Variants in CCDC39 observed in about 807,000 individuals in gnomAD.
The protein encoded by CCDC39 is coiled-coil domain 39 molecular ruler complex subunit.
A neutral mutation model predicts 121.0 loss-of-function variants in CCDC39; 113 were observed. That is an observed-to-expected ratio of 0.93 (90% CI 0.80 to 1.09). CCDC39 has a LOEUF of 1.09. Among genes scored for constraint, CCDC39 ranks in the 50% least tolerant of loss-of-function variants. The pLI is 0.00. For synonymous variants in CCDC39, 349 were observed against 352.2 expected, an observed-to-expected ratio of 0.99 and a Z score of 0.10; for missense variants, 1,063 against 1,074.7, an observed-to-expected ratio of 0.99 and a Z score of 0.15.
In CCDC39 at chr3:180,615,079, T is replaced by C. The variant is rs1304933764; in HGVS notation, c.2670-2A>G. 6.6e-7 allele frequency: 1 copy of C among 1,520,144 alleles called. No homozygotes were observed. The highest frequency in any genetic ancestry group is 8.8e-7 in the Non-Finnish European group (1 of 1,138,478). The allele number at this position is 1,520,144 out of a possible 1,614,324, so 94.2% of individuals were successfully genotyped here. A position where few individuals can be genotyped will look rare whatever the true frequency, so the allele number is the denominator to read the frequency against. On this transcript the variant is annotated splice_acceptor_variant, in intron 19 of 19. Transcript: ENST00000476379. LOFTEE classifies it high-confidence loss of function. ...GATGTACTTGTACTCCTAGATGACCTAGAAGAAAAACCAGAATTATAAATT... is the reference window on the plus strand; with the variant it reads ...GATGTACTTGTACTCCTAGATGACCCAGAAGAAAAACCAGAATTATAAATT...
intron 14 of CCDC39, among the ~76,000 whole-genome samples, chr3:180,624,237 A>G (rs903294485): frequency 3.9e-5 from 6 of 152,106 alleles, no homozygotes; most frequent in Non-Finnish European, 8.8e-5. Flanking sequence ...AAGTAAAGCT[A>G]CTCCTACTTG....
At chr3:180,652,634 AAT>A (rs1443575428) in intron 7 of CCDC39, among the ~76,000 whole-genome samples, 1 of 152,184 alleles carries the variant, frequency 6.6e-6, no homozygotes. Context: ...AAAAGATTCT[AAT>A]ATATCAGACT....
intron 13 of CCDC39, among the ~76,000 whole-genome samples, chr3:180,633,792 AAG>A (rs1717758620): frequency 1.3e-5 from 2 of 152,110 alleles, no homozygotes; most frequent in Non-Finnish European, 2.9e-5. Context: ...ACCATACAGA[AAG>A]GAGTTCAGCC....
chr3:180,639,346 GAGTTATTCAA>G (rs1369610136), intron 13 of CCDC39, among the ~76,000 whole-genome samples: 2 of 152,082 alleles, frequency 1.3e-5, no homozygotes, highest in Admixed American at 6.5e-5. Context: ...TGAGTGAGTT[GAGTTATTCAA>G]ACTATGACTG....
chr3:180,656,915 C>G (rs1370483271), intron 6 of CCDC39, among the ~76,000 whole-genome samples: 1 of 152,168 alleles, frequency 6.6e-6, no homozygotes, highest in Non-Finnish European at 1.5e-5. Flanking sequence ...TAATCTACCC[C>G]TTGTTTAGCA....
intron 8 of CCDC39, 146 bp downstream of exon 8, chr3:180,652,017 A>G: frequency 4.0e-6 from 2 of 504,920 alleles, no homozygotes; most frequent in Non-Finnish European, 6.9e-6. Flanking sequence ...AGCCTGGGCA[A>G]CAAAGCAAGA....
chr3:180,675,455 A>C (rs573009159), intron 1 of CCDC39, among the ~76,000 whole-genome samples: 29 of 152,114 alleles, frequency 1.9e-4, no homozygotes, highest in African/African-American at 7.0e-4. Context: ...TGATTTTTTG[A>C]AGGGTTTTTT....
chr3:180,629,952 T>G (rs1717656732), intron 14 of CCDC39, among the ~76,000 whole-genome samples: 2 of 152,298 alleles, frequency 1.3e-5, no homozygotes, highest in South Asian at 4.1e-4. Context: ...ATAACTAACA[T>G]TTATTGAGGA....
Position 180,672,057 on chromosome 3 carries a change from G to T in CCDC39, c.90+7234C>A, listed in dbSNP as rs144139015. Among the ~76,000 whole-genome samples, 4 of 152,276 alleles carry T rather than the reference G, an allele frequency of 2.6e-5. No homozygotes were observed. In the East Asian group the frequency reaches 7.7e-4, roughly 29 times the overall value. ...GCTCAATAGGAGAAGTCAATGCCTG[G>T]GTTCATAGCTACAAAGGACAGGTTG... On this transcript the variant is annotated intron_variant, in intron 1 of 19. Transcript: ENST00000476379.
At position 180,631,478 on chromosome 3, in the gene CCDC39, A is replaced by G. The variant is rs766651445; in HGVS notation, c.1989T>C (p.Tyr663=). The G allele has an allele frequency of 6.2e-7, 1 of 1,603,406 alleles. No individual in the cohort carries two copies. The highest frequency in any genetic ancestry group is 8.5e-7 in the Non-Finnish European group (1 of 1,178,520). The change falls in exon 14 of 20, where the codon TAT becomes TAC. Residue 663 remains tyrosine (Y), a synonymous_variant. Coordinates refer to ENST00000476379, the MANE Select transcript of CCDC39 (RefSeq NM_181426.2). The part of the protein sequence containing the change: ...EGEEEKTQAY[Y]VIKAAQEKEE... ...AATCAATTAAAATTACCTTTATTAC[A>G]TAATAGGCCTGTGTTTTCTCCTCTT...
intron 13 of CCDC39, among the ~76,000 whole-genome samples, chr3:180,640,162 A>C (rs1007999446): frequency 6.6e-6 from 1 of 152,146 alleles, no homozygotes; most frequent in Non-Finnish European, 1.5e-5. Context: ...TCTCCGGTAC[A>C]TTACGTATGT....
At chr3:180,616,217 G>T in intron 19 of CCDC39, 64 bp downstream of exon 19, 1 of 1,381,982 alleles carries the variant, frequency 7.2e-7, no homozygotes, top group Non-Finnish European at 1.0e-6. Flanking sequence ...ATGTAGAAGT[G>T]GCTGGAATCA....
chr3:180,644,256 TTCTGC>T lies in CCDC39; in HGVS notation c.1528-4_1528del. Reference sequence around the variant, plus strand: ...TGCCTTCTTGATAAAATAAAGATCATTCTGCAAAAAAGAAAAAAGGTATATAAATG... The same window carrying T: ...TGCCTTCTTGATAAAATAAAGATCATAAAAAAGAAAAAAGGTATATAAATG... On this transcript the variant is annotated splice_acceptor_variant and splice_polypyrimidine_tract_variant and coding_sequence_variant and intron_variant, in exon 12 of 20. Transcript: ENST00000476379. LOFTEE classifies it high-confidence loss of function. The T allele has an allele frequency of 6.6e-7, 1 of 1,510,516 alleles. No individual in the cohort carries two copies. The highest frequency in any genetic ancestry group is 8.9e-7 in the Non-Finnish European group (1 of 1,129,664). 93.6% of individuals were successfully genotyped at this position (1,510,516 alleles called of 1,614,324 possible).
intron 15 of CCDC39, 30 bp from the exon 16 acceptor site, chr3:180,619,395 T>C: frequency 2.9e-6 from 3 of 1,047,950 alleles, no homozygotes; most frequent in Non-Finnish European, 4.3e-6. Context: ...TAGTTTAAAA[T>C]TTCAACATAC....
chr3:180,652,371 C>T, intron 7 of CCDC39, 105 bp from the exon 8 acceptor site: 1 of 599,476 alleles, frequency 1.7e-6, no homozygotes, highest in Non-Finnish European at 2.8e-6. Context: ...ACCTACATCA[C>T]ACCCACAAAA....
intron 13 of CCDC39, among the ~76,000 whole-genome samples, chr3:180,639,974 A>C (rs1560086184): frequency 6.6e-6 from 1 of 152,138 alleles, no homozygotes; most frequent in African/African-American, 2.4e-5. Context: ...AGGCAGACCT[A>C]CTATTGGATT....
At position 180,647,064 on chromosome 3, in the gene CCDC39, T is replaced by G; in HGVS notation, c.1527+15A>C. The G allele has an allele frequency of 6.3e-7, 1 of 1,598,190 alleles. No homozygotes were observed. Among genetic ancestry groups the G allele is most frequent in the Non-Finnish European group, 8.5e-7 (1 of 1,175,296 alleles). ...TAGGATATTTGAAATATAAAATGTA[T>G]TTTGGCTAAGTTACATGAAGCTTCT... On this transcript the variant is annotated intron_variant, in intron 11 of 19. Coordinates refer to ENST00000476379, the MANE Select transcript of CCDC39 (RefSeq NM_181426.2).
At chr3:180,620,693 CATTTA>C (rs1384773427) in intron 14 of CCDC39, among the ~76,000 whole-genome samples, 1 of 151,910 alleles carries the variant, frequency 6.6e-6, no homozygotes, top group Non-Finnish European at 1.5e-5. Context: ...CTAATAATTT[CATTTA>C]AATTTATTCA....
intron 12 of CCDC39, 137 bp downstream of exon 12, chr3:180,643,983 C>T (rs1718015767): frequency 3.2e-6 from 2 of 628,962 alleles, no homozygotes; most frequent in Admixed American, 4.0e-5. Context: ...AAATTATAGA[C>T]TTTAACACTG....
Sources: allele counts gnomAD v4.1 joint callset (sites outside exome capture counted in the v4.1 genomes callset), GRCh38; gene constraint gnomAD v4.1.1; transcripts MANE v1.5; gene names NCBI Gene and HGNC (gene_info 2026-07-23, HGNC 2026-07-21).